Variants in CDH26 observed in about 807,000 individuals in gnomAD.
CDH26 encodes cadherin 26.
CDH26 carries 83 observed loss-of-function variants against 90.3 expected under a neutral mutation model. That is an observed-to-expected ratio of 0.92 (90% CI 0.77 to 1.10). CDH26 has a LOEUF of 1.10. Ranked by LOEUF, CDH26 falls within the 50% of genes least tolerant of loss-of-function variation. The pLI, the probability that CDH26 is intolerant of heterozygous loss-of-function variation, is 0.00. For missense variants in CDH26, 1,013 were observed against 1,037.6 expected, an observed-to-expected ratio of 0.98 and a Z score of 0.33; for synonymous variants, 397 against 396.3, an observed-to-expected ratio of 1.00 and a Z score of -0.02.
chr20:59,960,394 A>AACACACACACACAC (rs111336064), intron 1 of CDH26, among the ~76,000 whole-genome samples: 1 of 148,560 alleles, frequency 6.7e-6, no homozygotes, highest in Admixed American at 6.7e-5. Flanking sequence ...CTTATGTTAA[A>AACACACACACACAC]ACACACACAC....
At position 59,964,257 on chromosome 20, in the gene CDH26, A is replaced by G. The variant is rs191956245; in HGVS notation, c.70-4710A>G. Among the ~76,000 whole-genome samples the G allele has an allele frequency of 1.7e-3, 261 of 152,376 alleles. 1 individual carries two copies. Among genetic ancestry groups the G allele is most frequent in the African/African-American group, 6.0e-3 (251 of 41,590 alleles). Reference sequence around the variant, plus strand: ...CATTCAGAGAATTTTCTCCCAAAAGATGCCATGGCTGCCCAGCCAGGCCAG... The same window carrying G: ...CATTCAGAGAATTTTCTCCCAAAAGGTGCCATGGCTGCCCAGCCAGGCCAG... On this transcript the variant is annotated intron_variant, in intron 1 of 17. Transcript: ENST00000348616.
chr20:60,020,011 G>A (rs1039008758), intron 7 of CDH26, among the ~76,000 whole-genome samples: 9 of 152,190 alleles, frequency 5.9e-5, no homozygotes, highest in African/African-American at 2.2e-4. Flanking sequence ...GGCTGAGAGA[G>A]TTTATGGCAG....
At chr20:59,983,091 G>T (rs1172345864) in intron 5 of CDH26, 21 bp downstream of exon 5, 1 of 1,610,250 alleles carries the variant, frequency 6.2e-7, no homozygotes, top group Non-Finnish European at 8.5e-7. Context: ...CTGGGGGGCT[G>T]CCGGGCTTCC....
At chr20:59,978,580 G>A (rs2061353684) in intron 4 of CDH26, among the ~76,000 whole-genome samples, 1 of 151,818 alleles carries the variant, frequency 6.6e-6, no homozygotes, top group African/African-American at 2.4e-5. Context: ...CACTACGTTG[G>A]CCAGGCTGGT....
intron 14 of CDH26, 38 bp from the exon 15 acceptor site, chr20:60,001,305 T>G (rs762968020): frequency 6.2e-7 from 1 of 1,612,346 alleles, no homozygotes; most frequent in South Asian, 1.1e-5. Flanking sequence ...TGGAGAGAAA[T>G]CCATTCTCTT....
intron 4 of CDH26, among the ~76,000 whole-genome samples, chr20:59,975,197 G>A (rs1238149448): frequency 6.6e-6 from 1 of 152,186 alleles, no homozygotes; most frequent in Non-Finnish European, 1.5e-5. Context: ...CTTTGTAGGT[G>A]TAATCAAGTT....
In CDH26 at chr20:59,994,359, T is replaced by G; in HGVS notation, c.1536T>G (p.Ser512=). The change falls in exon 11 of 18, where the codon TCT becomes TCG. Residue 512 remains serine (S), a synonymous_variant. Coordinates refer to ENST00000348616, the MANE Select transcript of CDH26 (RefSeq NM_177980.4). The part of the protein sequence containing the change: ...PRSRYMEVCE[S]AVHEPLHIEA... ...CCCGCTACATGGAGGTCTGTGAGTCTGCTGTGCATGAGCCCCTCCACATCG... is the reference window on the plus strand; with the variant it reads ...CCCGCTACATGGAGGTCTGTGAGTCGGCTGTGCATGAGCCCCTCCACATCG... 2 of 1,614,080 alleles carry G rather than the reference T, an allele frequency of 1.2e-6. No individual in the cohort carries two copies. Among genetic ancestry groups the G allele is most frequent in the African/African-American group, 1.3e-5 (1 of 75,000 alleles).
chr20:59,978,876 G>A (rs2061357269), intron 4 of CDH26, among the ~76,000 whole-genome samples: 1 of 152,058 alleles, frequency 6.6e-6, no homozygotes, highest in Non-Finnish European at 1.5e-5. Flanking sequence ...ACAATATAAT[G>A]ACCTGAGAAC....
At chr20:59,988,867 A>C in intron 8 of CDH26, 37 bp from the exon 9 acceptor site, 8 of 1,605,406 alleles carry the variant, frequency 5.0e-6, no homozygotes, top group African/African-American at 4.0e-5. Flanking sequence ...CCAGAGGAGC[A>C]GCAGGTGCTA....
chr20:60,028,906 G>A (rs893267369), intron 7 of CDH26, among the ~76,000 whole-genome samples: 6 of 152,114 alleles, frequency 3.9e-5, no homozygotes, highest in Non-Finnish European at 5.9e-5. Context: ...CGTTATTCAC[G>A]GTCCCCATGG....
chr20:59,993,654 A>G (rs1055792387), intron 10 of CDH26, among the ~76,000 whole-genome samples: 4 of 152,022 alleles, frequency 2.6e-5, no homozygotes, highest in African/African-American at 9.7e-5. Flanking sequence ...TTCTTTATCC[A>G]CTCATTGGTC....
At chr20:60,024,169 C>T (rs955262416) in intron 7 of CDH26, among the ~76,000 whole-genome samples, 6 of 152,186 alleles carry the variant, frequency 3.9e-5, no homozygotes, top group Non-Finnish European at 8.8e-5. Context: ...TTGTTTAACC[C>T]CAAAGTGATT....
chr20:60,006,007 T>G (rs573799589), intron 16 of CDH26, among the ~76,000 whole-genome samples: 7 of 152,132 alleles, frequency 4.6e-5, no homozygotes, highest in Non-Finnish European at 8.8e-5. Flanking sequence ...CCCTACAACT[T>G]CCTCCTCCTG....
chr20:59,975,715 G>A (rs1038632643), intron 4 of CDH26, among the ~76,000 whole-genome samples: 2 of 152,130 alleles, frequency 1.3e-5, no homozygotes, highest in African/African-American at 4.8e-5. Flanking sequence ...GTTTATTGTT[G>A]GCTTTGGCAG....
chr20:59,988,394 A>T (rs1294239453), intron 8 of CDH26, among the ~76,000 whole-genome samples: 2 of 152,174 alleles, frequency 1.3e-5, no homozygotes, highest in Non-Finnish European at 2.9e-5. Flanking sequence ...TCGCCTGCCC[A>T]TTTGACCAGC....
intron 3 of CDH26, 106 bp from the exon 4 acceptor site, chr20:59,971,856 G>A: frequency 3.5e-6 from 3 of 846,438 alleles, no homozygotes; most frequent in Non-Finnish European, 5.5e-6. Context: ...CCATTGCTGG[G>A]TATAATTTCT....
intron 16 of CDH26, among the ~76,000 whole-genome samples, chr20:60,005,452 G>T (rs1027455386): frequency 7.3e-6 from 1 of 136,132 alleles, no homozygotes; most frequent in Non-Finnish European, 1.5e-5. Flanking sequence ...GTGTATGTTT[G>T]TCTGTATATG....
At chr20:59,983,457 G>A (rs1336341234) in intron 5 of CDH26, among the ~76,000 whole-genome samples, 4 of 152,048 alleles carry the variant, frequency 2.6e-5, no homozygotes, top group African/African-American at 4.8e-5. Flanking sequence ...AAACCCAACC[G>A]ACTCTTACTA....
chr20:60,001,137 A>G (rs2061671250), intron 14 of CDH26, among the ~76,000 whole-genome samples: 1 of 152,078 alleles, frequency 6.6e-6, no homozygotes, highest in African/African-American at 2.4e-5. Context: ...ATGCGGTTCC[A>G]TTGTGCCTGC....
Sources: gnomAD v4.1 joint callset for allele counts (sites outside exome capture counted in the v4.1 genomes callset) on GRCh38, gnomAD v4.1.1 for gene constraint, MANE v1.5 for transcripts, NCBI Gene and HGNC (gene_info 2026-07-23, HGNC 2026-07-21) for gene names.